OR10K1: variants seen among roughly 807,000 people sequenced by gnomAD.
OR10K1 encodes olfactory receptor family 10 subfamily K member 1, also known as olfactory receptor 10K1.
For missense variants in OR10K1, 404 were observed against 373.3 expected (o/e 1.08, Z -0.68); for synonymous variants, 186 against 152.5 (o/e 1.22, Z -1.62).
chr1:158,462,366 T>TTTAC (rs1655938215), intron 1 of OR10K1, among the ~76,000 whole-genome samples: 1 of 65,892 alleles, frequency 1.5e-5, no homozygotes, highest in Admixed American at 1.3e-4. Context: ...TCTTTTTTCT[T>TTTAC]TTCCTTCCTT....
rs370721511 is a variant in OR10K1 at position 158,467,294 on chromosome 1, C to T, written c.*791C>T. The T allele has an allele frequency of 6.6e-6, 1 of 152,112 alleles. No homozygotes were observed. Among genetic ancestry groups the T allele is most frequent in the East Asian group, 1.9e-4 (1 of 5,190 alleles). The allele number at this position is 152,112 out of a possible 1,614,324, so 9.4% of individuals were successfully genotyped here. ...CTAGATTCCTAGAATGACCAGAAAACTCATGGAAAACCCTCCAGTGACTCC... is the reference window on the plus strand; with the variant it reads ...CTAGATTCCTAGAATGACCAGAAAATTCATGGAAAACCCTCCAGTGACTCC... On this transcript the variant is annotated 3_prime_UTR_variant, in exon 2 of 2. Coordinates refer to ENST00000641535, the MANE Select transcript of OR10K1 (RefSeq NM_001004473.2).
Position 158,466,556 on chromosome 1 carries a change from T to A in OR10K1, c.*53T>A. The A allele has an allele frequency of 1.9e-6, 2 of 1,073,250 alleles. No individual in the cohort carries two copies. Among genetic ancestry groups the A allele is most frequent in the Non-Finnish European group, 2.7e-6 (2 of 732,446 alleles). 66.5% of individuals were successfully genotyped at this position (1,073,250 alleles called of 1,614,324 possible). On this transcript the variant is annotated 3_prime_UTR_variant, in exon 2 of 2. Coordinates refer to ENST00000641535, the MANE Select transcript of OR10K1 (RefSeq NM_001004473.2). ...TAGTACATGCCAGGCAGAACGTGTG[T>A]TTTATACATTTTTTTTCATTTAATT...
In OR10K1 at chr1:158,466,603, A is replaced by G; in HGVS notation, c.*100A>G. ...AATTGTCCAGCTCCACTGTAACATA[A>G]GAACATTTTACATATGAGAAGAATG... is the stretch of plus-strand genomic sequence containing the variant. On this transcript the variant is annotated 3_prime_UTR_variant, in exon 2 of 2. Coordinates refer to ENST00000641535, the MANE Select transcript of OR10K1 (RefSeq NM_001004473.2). 1.4e-6 allele frequency: 1 copy of G among 739,842 alleles called. No homozygotes were observed. The highest frequency in any genetic ancestry group is 2.6e-5 in the East Asian group (1 of 38,468). The allele number at this position is 739,842 out of a possible 1,614,324, so 45.8% of individuals were successfully genotyped here.
Position 158,466,554 on chromosome 1 carries a change from T to C in OR10K1, c.*51T>C. The C allele has an allele frequency of 9.0e-7, 1 of 1,110,268 alleles. No individual in the cohort carries two copies. The highest frequency in any genetic ancestry group is 1.3e-5 in the South Asian group (1 of 74,622). 68.8% of individuals were successfully genotyped at this position (1,110,268 alleles called of 1,614,324 possible). ...CCTAGTACATGCCAGGCAGAACGTG[T>C]GTTTTATACATTTTTTTTCATTTAA... On this transcript the variant is annotated 3_prime_UTR_variant, in exon 2 of 2. Transcript: ENST00000641535.
chr1:158,463,566 T>C (rs1030016644), intron 1 of OR10K1, among the ~76,000 whole-genome samples: 4 of 152,240 alleles, frequency 2.6e-5, no homozygotes, highest in African/African-American at 9.6e-5. Context: ...AATCAGAGAA[T>C]TCCAGCTTCC....
In OR10K1 at chr1:158,467,087, T is replaced by C. The variant is rs1656062745; in HGVS notation, c.*584T>C. On this transcript the variant is annotated 3_prime_UTR_variant, in exon 2 of 2. Coordinates refer to ENST00000641535, the MANE Select transcript of OR10K1 (RefSeq NM_001004473.2). ...CTTCCTTTGTTTGAGGTGGAACCAC[T>C]TTATGGTTCTCTTCCTGATGCACAT... 6.5e-6 allele frequency: 1 copy of C among 153,290 alleles called. No homozygotes were observed. Among genetic ancestry groups the C allele is most frequent in the South Asian group, 2.0e-4 (1 of 4,884 alleles). The allele number at this position is 153,290 out of a possible 1,614,324, so 9.5% of individuals were successfully genotyped here. A position where few individuals can be genotyped will look rare whatever the true frequency, so the allele number is the denominator to read the frequency against.
chr1:158,462,183 G>A (rs1655933396), intron 1 of OR10K1, among the ~76,000 whole-genome samples: 1 of 151,942 alleles, frequency 6.6e-6, no homozygotes, highest in Non-Finnish European at 1.5e-5. Flanking sequence ...GGGAGGCTGA[G>A]GCAGGAGAAT....
At chr1:158,463,277 G>C (rs1046726382) in intron 1 of OR10K1, among the ~76,000 whole-genome samples, 2 of 152,150 alleles carry the variant, frequency 1.3e-5, no homozygotes, top group East Asian at 3.9e-4. Flanking sequence ...TTATTTTCCT[G>C]GTCTTAAGTC....
Position 158,466,174 on chromosome 1 carries a change from T to C in OR10K1, c.613T>C (p.Phe205Leu), listed in dbSNP as rs1656035205. The C allele has an allele frequency of 3.1e-6, 5 of 1,614,034 alleles. No individual in the cohort carries two copies. The highest frequency in any genetic ancestry group is 4.2e-6 in the Non-Finnish European group (5 of 1,180,020). The change falls in exon 2 of 2, where the codon TTT becomes CTT. Residue 205 changes from phenylalanine to leucine, a missense_variant. By Grantham distance (22) the Phe-to-Leu change is conservative. Coordinates refer to ENST00000641535, the MANE Select transcript of OR10K1 (RefSeq NM_001004473.2). ...GCTGGTCATATTCATGCTTGGTGTA[T>C]TTGCCTTGGTCATTCCTCTGCTACT... ...SQLVIFMLGV[F>L]ALVIPLLLIL...
rs1656069409 is a variant in OR10K1 at position 158,467,384 on chromosome 1, T to G, written c.*881T>G. ...ATGAATCTATCATCTAGTTTCCACC[T>G]ACCTCTTCAGTATTATCATTTCTAA... On this transcript the variant is annotated 3_prime_UTR_variant, in exon 2 of 2. Transcript: ENST00000641535. 1.3e-5 allele frequency: 2 copies of G among 152,236 alleles called. No individual in the cohort carries two copies. The highest frequency in any genetic ancestry group is 4.8e-5 in the African/African-American group (2 of 41,472). 9.4% of individuals were successfully genotyped at this position (152,236 alleles called of 1,614,324 possible).
Position 158,466,869 on chromosome 1 carries a change from A to G in OR10K1, c.*366A>G, listed in dbSNP as rs537057868. ...AGAAAAGATGTATCCAAAAAAAAAA[A>G]AAGAAAGAAAAAAGAAAAAAAAAAG... On this transcript the variant is annotated 3_prime_UTR_variant, in exon 2 of 2. Transcript: ENST00000641535. The G allele has an allele frequency of 1.6e-3, 266 of 163,220 alleles. 1 individual carries two copies. The highest frequency in any genetic ancestry group is 2.5e-3 in the Non-Finnish European group (192 of 75,652). The allele number at this position is 163,220 out of a possible 1,614,324, so 10.1% of individuals were successfully genotyped here.
At chr1:158,463,245 G>A (rs189048421) in intron 1 of OR10K1, among the ~76,000 whole-genome samples, 61 of 152,170 alleles carry the variant, frequency 4.0e-4, no homozygotes, top group Admixed American at 2.1e-3. Context: ...CAGCTTGAAC[G>A]TATTTTGTAG....
Position 158,466,159 on chromosome 1 carries a change from T to G in OR10K1, c.598T>G (p.Phe200Val), listed in dbSNP as rs150717400. The G allele has an allele frequency of 5.9e-5, 96 of 1,614,046 alleles. 1 individual carries two copies. The African/African-American group carries it at 1.1e-3, about 19-fold the overall frequency. Reference sequence around the variant, plus strand: ...CTCCGGCTTCAGTCAGCTGGTCATATTCATGCTTGGTGTATTTGCCTTGGT... The same window carrying G: ...CTCCGGCTTCAGTCAGCTGGTCATAGTCATGCTTGGTGTATTTGCCTTGGT... ...QHSGFSQLVI[F>V]MLGVFALVIP... Residue 200 changes from phenylalanine to valine, a missense_variant, in exon 2 of 2, where the codon TTC becomes GTC. Transcript: ENST00000641535.
chr1:158,463,313 A>C (rs546739568), intron 1 of OR10K1, among the ~76,000 whole-genome samples: 61 of 152,266 alleles, frequency 4.0e-4, no homozygotes, highest in African/African-American at 1.3e-3. Flanking sequence ...ATGACAACAC[A>C]CTATGGTGGT....
At chr1:158,464,805 T>C (rs1656000266) in intron 1 of OR10K1, among the ~76,000 whole-genome samples, 2 of 152,040 alleles carry the variant, frequency 1.3e-5, no homozygotes, top group South Asian at 4.2e-4. Flanking sequence ...TGTGCTGCCA[T>C]ACCTGGCTAA....
intron 1 of OR10K1, among the ~76,000 whole-genome samples, chr1:158,462,913 T>C (rs971618109): frequency 2.0e-5 from 3 of 152,176 alleles, no homozygotes; most frequent in African/African-American, 7.2e-5. Context: ...ATTCTATTCA[T>C]ACGTTCTAAA....
chr1:158,462,588 T>A (rs1024697173), intron 1 of OR10K1, among the ~76,000 whole-genome samples: 1 of 152,180 alleles, frequency 6.6e-6, no homozygotes. Flanking sequence ...TTAAACTCCA[T>A]TTTAATATGG....
In OR10K1 at chr1:158,466,543, G is replaced by A; in HGVS notation, c.*40G>A. 8.2e-7 allele frequency: 1 copy of A among 1,221,832 alleles called. No individual in the cohort carries two copies. The highest frequency in any genetic ancestry group is 1.2e-6 in the Non-Finnish European group (1 of 839,894). The allele number at this position is 1,221,832 out of a possible 1,614,324, so 75.7% of individuals were successfully genotyped here. On this transcript the variant is annotated 3_prime_UTR_variant, in exon 2 of 2. Coordinates refer to ENST00000641535, the MANE Select transcript of OR10K1 (RefSeq NM_001004473.2). ...AACTACTAATGCCTAGTACATGCCAGGCAGAACGTGTGTTTTATACATTTT... is the reference window on the plus strand; with the variant it reads ...AACTACTAATGCCTAGTACATGCCAAGCAGAACGTGTGTTTTATACATTTT...
chr1:158,466,353 T>A lies in OR10K1; in HGVS notation c.792T>A (p.Thr264=). Residue 264 remains threonine (T), a synonymous_variant, in exon 2 of 2, where the codon ACT becomes ACA. Transcript: ENST00000641535. ...CASFIYLRPK[T]NYTSSQDTLI... ...CTTTCATCTACTTAAGGCCCAAGAC[T>A]AATTACACTTCAAGCCAAGACACCC... 6.2e-7 allele frequency: 1 copy of A among 1,614,014 alleles called. No homozygotes were observed. Among genetic ancestry groups the A allele is most frequent in the Non-Finnish European group, 8.5e-7 (1 of 1,179,970 alleles).
Sources: allele counts gnomAD v4.1 joint callset (sites outside exome capture counted in the v4.1 genomes callset), GRCh38; gene constraint gnomAD v4.1.1; transcripts MANE v1.5; gene names NCBI Gene and HGNC (gene_info 2026-07-23, HGNC 2026-07-21).